BRAP: variants seen among roughly 807,000 people sequenced by gnomAD.
The protein encoded by BRAP is BRCA1-associated protein.
In BRAP, 42 loss-of-function variants were observed where a neutral mutation model predicts 73.4. The observed-to-expected ratio is 0.57, with a 90% CI of 0.45 to 0.74. The LOEUF (loss-of-function observed/expected upper bound fraction) is 0.74, where lower values mean the gene tolerates loss of function less well. BRAP is among the 30% of genes least tolerant of loss of function. The pLI is 0.00. For missense variants in BRAP, 593 were observed against 751.4 expected (o/e 0.79, Z 2.46); for synonymous variants, 255 against 267.4 (o/e 0.95, Z 0.45).
At position 111,685,869 on chromosome 12, in the gene BRAP, G is replaced by T. The variant is rs1043852364; in HGVS notation, c.-77C>A. On this transcript the variant is annotated 5_prime_UTR_variant, in exon 1 of 12. Transcript: ENST00000419234. ...GGCGAGCCGAGAGGCCGAGCGGCCC[G>T]GGGCCGGCAGCGCCGCCACCACCTC... 2.9e-5 allele frequency: 32 copies of T among 1,108,252 alleles called. No homozygotes were observed. In the Admixed American group the frequency reaches 1.2e-3, roughly 42 times the overall value. 68.7% of individuals were successfully genotyped at this position (1,108,252 alleles called of 1,614,324 possible).
At chr12:111,677,254 T>C (rs1176451091) in intron 4 of BRAP, among the ~76,000 whole-genome samples, 3 of 152,184 alleles carry the variant, frequency 2.0e-5, no homozygotes, top group Non-Finnish European at 2.9e-5. Context: ...AACATTTTTT[T>C]CCCAATCTAT....
In BRAP at chr12:111,672,330, C is replaced by CT. The variant is rs953919417; in HGVS notation, c.747+330dup. Among the ~76,000 whole-genome samples, 63 of 151,394 alleles carry CT rather than the reference C, an allele frequency of 4.2e-4. 1 individual carries two copies. The highest frequency in any genetic ancestry group is 1.2e-3 in the Admixed American group (18 of 15,178). On this transcript the variant is annotated intron_variant, in intron 5 of 11. Transcript: ENST00000419234. ...ATTTCAACAATGCAGTATCTTTTTT[C>CT]TTTTTTTTTACGTTTTTTGAAATTT...
At chr12:111,664,225 G>A (rs1437826770) in intron 6 of BRAP, among the ~76,000 whole-genome samples, 1 of 152,148 alleles carries the variant, frequency 6.6e-6, no homozygotes, top group East Asian at 1.9e-4. Flanking sequence ...CCAGCTACTT[G>A]GGAAGCTGAG....
At chr12:111,666,913 T>C (rs1886966596) in intron 5 of BRAP, among the ~76,000 whole-genome samples, 1 of 152,238 alleles carries the variant, frequency 6.6e-6, no homozygotes, top group Non-Finnish European at 1.5e-5. Context: ...TGCCCAATTT[T>C]ATCACGTCAA....
chr12:111,660,703 G>A (rs1312474619), intron 6 of BRAP, 28 bp from the exon 7 acceptor site: 2 of 1,577,334 alleles, frequency 1.3e-6, no homozygotes, highest in Non-Finnish European at 8.6e-7. Flanking sequence ...AGATAATGGT[G>A]CAGGTTAAAT....
At chr12:111,661,713 G>GTTT (rs746875251) in intron 6 of BRAP, among the ~76,000 whole-genome samples, 15 of 141,730 alleles carry the variant, frequency 1.1e-4, no homozygotes, top group East Asian at 6.1e-4. Context: ...AAAAAAAAAG[G>GTTT]TTTTTTTTTT....
intron 9 of BRAP, among the ~76,000 whole-genome samples, chr12:111,656,802 C>T (rs137966726): frequency 4.6e-5 from 7 of 152,166 alleles, no homozygotes; most frequent in African/African-American, 1.7e-4. Context: ...GGTGCAATCA[C>T]GACTCACTGC....
chr12:111,642,404 G>A lies in BRAP; in HGVS notation c.*1795C>T, dbSNP rs935648414. 1 of 151,648 alleles carries A rather than the reference G, an allele frequency of 6.6e-6. No homozygotes were observed. Among genetic ancestry groups the A allele is most frequent in the Non-Finnish European group, 1.5e-5 (1 of 67,980 alleles). The allele number at this position is 151,648 out of a possible 1,614,324, so 9.4% of individuals were successfully genotyped here. On this transcript the variant is annotated 3_prime_UTR_variant, in exon 12 of 12. Coordinates refer to ENST00000419234, the MANE Select transcript of BRAP (RefSeq NM_006768.5). The stretch of plus-strand genomic sequence containing the variant: ...ACTTGCCTATTTGCTCATTCCTCTG[G>A]GCACAGCCTTTCAGAGCATTTATCC...
intron 6 of BRAP, among the ~76,000 whole-genome samples, chr12:111,662,538 G>A (rs915128740): frequency 7.9e-5 from 12 of 151,038 alleles, no homozygotes; most frequent in African/African-American, 9.7e-5. Context: ...CAACAAGAGC[G>A]AAACTCCGTC....
Position 111,660,586 on chromosome 12 carries a change from C to A in BRAP, c.972+14G>T. The A allele has an allele frequency of 6.3e-7, 1 of 1,588,724 alleles. No individual in the cohort carries two copies. Among genetic ancestry groups the A allele is most frequent in the Non-Finnish European group, 8.6e-7 (1 of 1,168,274 alleles). On this transcript the variant is annotated intron_variant, in intron 7 of 11. Transcript: ENST00000419234. The stretch of plus-strand genomic sequence containing the variant: ...AGCTGCATTCTTTGTTCTTTTCCAT[C>A]ACCCATTACTTACTTCCTGAACACC...
At chr12:111,679,799 C>A (rs1887528531) in intron 3 of BRAP, among the ~76,000 whole-genome samples, 1 of 144,070 alleles carries the variant, frequency 6.9e-6, no homozygotes, top group Non-Finnish European at 1.5e-5. Flanking sequence ...ATGGTGTGAA[C>A]CTGGGAGGCA....
chr12:111,670,522 C>A (rs148321871), intron 5 of BRAP, among the ~76,000 whole-genome samples: 1 of 152,156 alleles, frequency 6.6e-6, no homozygotes. Flanking sequence ...AGATGGGAGT[C>A]TTGTTCTGTT....
At chr12:111,668,168 A>G (rs990111195) in intron 5 of BRAP, among the ~76,000 whole-genome samples, 10 of 151,858 alleles carry the variant, frequency 6.6e-5, no homozygotes, top group East Asian at 3.9e-4. Context: ...GACTGCTCCA[A>G]TGCACTCCAG....
intron 4 of BRAP, among the ~76,000 whole-genome samples, chr12:111,676,042 CT>C (rs1887367108): frequency 6.6e-6 from 1 of 151,388 alleles, no homozygotes; most frequent in African/African-American, 2.4e-5. Flanking sequence ...TTTTTTTGAT[CT>C]TTTAAAAAAA....
At chr12:111,682,491 C>A (rs1444297481) in intron 2 of BRAP, among the ~76,000 whole-genome samples, 1 of 103,366 alleles carries the variant, frequency 9.7e-6, no homozygotes, top group Non-Finnish European at 1.7e-5. Flanking sequence ...CAAAGTGAGA[C>A]TGTCTCAAAA....
chr12:111,668,013 C>G (rs1424777015), intron 5 of BRAP, among the ~76,000 whole-genome samples: 1 of 152,148 alleles, frequency 6.6e-6, no homozygotes, highest in African/African-American at 2.4e-5. Context: ...TTGAGACCAG[C>G]CTGGCCAACG....
Position 111,670,457 on chromosome 12 carries a change from G to A in BRAP, c.747+2204C>T, listed in dbSNP as rs1592988621. The A allele has an allele frequency of 1.6e-5, 4 of 245,892 alleles. No individual in the cohort carries two copies. In the East Asian group the frequency reaches 3.1e-4, roughly 19 times the overall value. The allele number at this position is 245,892 out of a possible 1,614,324, so 15.2% of individuals were successfully genotyped here. A position where few individuals can be genotyped will look rare whatever the true frequency, so the allele number is the denominator to read the frequency against. ...TACTCAGAACTAACTTCCATCAAGC[G>A]GATCTCAAAGTAAAAAGACCTTCAG... On this transcript the variant is annotated intron_variant, in intron 5 of 11. Transcript: ENST00000419234.
At chr12:111,649,700 G>C (rs978344790) in intron 11 of BRAP, among the ~76,000 whole-genome samples, 1 of 152,220 alleles carries the variant, frequency 6.6e-6, no homozygotes, top group East Asian at 1.9e-4. Flanking sequence ...GGCAAAAATG[G>C]AAGATATCTG....
intron 11 of BRAP, among the ~76,000 whole-genome samples, chr12:111,648,220 T>A (rs920367357): frequency 8.1e-5 from 12 of 149,050 alleles, no homozygotes; most frequent in African/African-American, 3.0e-4. Context: ...ATCACTTGAA[T>A]CCGGGAGGCG....
Sources: gnomAD v4.1 joint callset for allele counts (sites outside exome capture counted in the v4.1 genomes callset) on GRCh38, gnomAD v4.1.1 for gene constraint, MANE v1.5 for transcripts, NCBI Gene and HGNC (gene_info 2026-07-23, HGNC 2026-07-21) for gene names.